Variants in PACRG observed in about 807,000 individuals in gnomAD.
The protein encoded by PACRG is parkin coregulated gene protein.
In PACRG, 29 loss-of-function variants were observed where a neutral mutation model predicts 29.7. The observed-to-expected ratio is 0.98, with a 90% confidence interval of 0.73 to 1.33. The LOEUF (loss-of-function observed/expected upper bound fraction) is 1.33. Ranked by LOEUF, PACRG falls within the 40% of genes most tolerant of loss-of-function variation. PACRG has a pLI of 0.00. For synonymous variants in PACRG, 116 were observed against 118.7 expected (o/e 0.98, Z 0.15); for missense variants, 279 against 316.2 (o/e 0.88, Z 0.89).
rs372089123 is a variant in PACRG at position 163,314,967 on chromosome 6, G to A, written c.754G>A (p.Glu252Lys). The A allele has an allele frequency of 2.2e-5, 36 of 1,613,832 alleles. No individual in the cohort carries two copies. The African/African-American group carries it at 2.9e-4, about 13-fold the overall frequency. ...INIKYVVPTY[E>K]SCLLN is the part of the protein sequence containing the mutation. The stretch of plus-strand genomic sequence containing the variant: ...CATTAAGTACGTGGTCCCAACCTAC[G>A]AGTCTTGCTTGCTAAACTAACAGTG... The change falls in exon 5 of 5, where the codon GAG becomes AAG. Residue 252 changes from glutamate (E) to lysine (K), a missense_variant. Physicochemically the swap from Glu to Lys is moderately conservative, Grantham distance 56. Coordinates refer to ENST00000366888, the MANE Select transcript of PACRG (RefSeq NM_001080379.2).
chr6:163,181,953 C>T (rs1779697344), intron 4 of PACRG, among the ~76,000 whole-genome samples: 1 of 152,174 alleles, frequency 6.6e-6, no homozygotes, highest in South Asian at 2.1e-4. Flanking sequence ...ATTGACCGTT[C>T]TCCCTTTTGG....
At chr6:162,863,528 G>A (rs1207437348) in intron 2 of PACRG, among the ~76,000 whole-genome samples, 1 of 152,202 alleles carries the variant, frequency 6.6e-6, no homozygotes, top group Non-Finnish European at 1.5e-5. Flanking sequence ...GGATGGCACT[G>A]CATAGCAGAG....
intron 2 of PACRG, among the ~76,000 whole-genome samples, chr6:162,946,223 A>G (rs567136784): frequency 8.5e-5 from 13 of 152,168 alleles, no homozygotes; most frequent in Non-Finnish European, 8.8e-5. Flanking sequence ...AAAGATCAAC[A>G]AAATCAATAA....
At chr6:162,871,294 T>C (rs1792782553) in intron 2 of PACRG, among the ~76,000 whole-genome samples, 1 of 152,238 alleles carries the variant, frequency 6.6e-6, no homozygotes, top group Non-Finnish European at 1.5e-5. Flanking sequence ...ATAGTTTGAA[T>C]GTGATTACCA....
chr6:163,291,080 C>T (rs946456048), intron 4 of PACRG, among the ~76,000 whole-genome samples: 5 of 152,254 alleles, frequency 3.3e-5, no homozygotes, highest in African/African-American at 9.6e-5. Context: ...GCCCAGCGGC[C>T]TCTCCCTGAG....
At chr6:163,225,145 A>G (rs1461278240) in intron 4 of PACRG, among the ~76,000 whole-genome samples, 2 of 152,228 alleles carry the variant, frequency 1.3e-5, no homozygotes, top group African/African-American at 4.8e-5. Flanking sequence ...CCATGATGAG[A>G]TATCTCTTCA....
At chr6:163,215,117 AT>A (rs561234597) in intron 4 of PACRG, among the ~76,000 whole-genome samples, 228 of 148,674 alleles carry the variant, frequency 1.5e-3, no homozygotes, top group East Asian at 8.4e-3. Flanking sequence ...CAGTCACGGC[AT>A]TTTTTTTTTG....
upstream of PACRG, chr6:162,727,645 G>A (rs1348034970): frequency 1.9e-6 from 3 of 1,585,212 alleles, no homozygotes; most frequent in Admixed American, 3.5e-5. Flanking sequence ...GGCTGTACCT[G>A]GCAGGTACCC....
At chr6:162,872,108 G>A (rs1359788316) in intron 2 of PACRG, among the ~76,000 whole-genome samples, 1 of 151,970 alleles carries the variant, frequency 6.6e-6, no homozygotes, top group Admixed American at 6.6e-5. Context: ...TATAGATAAG[G>A]AGGCTCAAGA....
chr6:163,004,557 G>A (rs1027337041), intron 2 of PACRG, among the ~76,000 whole-genome samples: 5 of 151,350 alleles, frequency 3.3e-5, no homozygotes, highest in Admixed American at 1.3e-4. Context: ...AACAGCATGG[G>A]GGAAACCACC....
intron 1 of PACRG, among the ~76,000 whole-genome samples, chr6:162,813,193 C>T (rs1432168827): frequency 6.6e-6 from 1 of 151,440 alleles, no homozygotes; most frequent in Non-Finnish European, 1.5e-5. Flanking sequence ...TACAAATTAA[C>T]ATATAAAATA....
intron 4 of PACRG, among the ~76,000 whole-genome samples, chr6:163,302,702 G>A (rs1446334398): frequency 6.6e-6 from 1 of 152,188 alleles, no homozygotes; most frequent in East Asian, 1.9e-4. Context: ...CAAAGAGTAG[G>A]TACTTTAGGC....
chr6:163,155,591 A>C (rs1778279212), intron 4 of PACRG, among the ~76,000 whole-genome samples: 1 of 152,246 alleles, frequency 6.6e-6, no homozygotes, highest in African/African-American at 2.4e-5. Flanking sequence ...GTCATAATTA[A>C]GGCCATGCAA....
intron 4 of PACRG, among the ~76,000 whole-genome samples, chr6:163,281,078 G>C (rs1172382045): frequency 6.6e-6 from 1 of 152,066 alleles, no homozygotes; most frequent in Non-Finnish European, 1.5e-5. Context: ...TCCGGAGATG[G>C]GGGGATGCTC....
intron 2 of PACRG, among the ~76,000 whole-genome samples, chr6:162,965,796 G>GA (rs769871811): frequency 2.0e-4 from 30 of 152,194 alleles, no homozygotes; most frequent in Non-Finnish European, 3.8e-4. Context: ...AAATTTGGTA[G>GA]AAAAAATCAA....
chr6:163,267,551 G>T (rs896895351), intron 4 of PACRG, among the ~76,000 whole-genome samples: 7 of 152,170 alleles, frequency 4.6e-5, no homozygotes, highest in African/African-American at 1.7e-4. Flanking sequence ...AGTACCATTT[G>T]TTTCTTTGAA....
chr6:162,906,050 GA>G lies in PACRG; in HGVS notation c.291+91772del, dbSNP rs201842878. Among the ~76,000 whole-genome samples the G allele has an allele frequency of 1.6e-3, 250 of 152,230 alleles. 2 individuals are homozygous for G. In the East Asian group the frequency reaches 0.018, roughly 11 times the overall value. ...ATTTTGATACAGAAAAAAAGGGGGG[GA>G]AAGCTGAGGAAAAATTGATTCCAAC... On this transcript the variant is annotated intron_variant, in intron 2 of 4. Coordinates refer to ENST00000366888, the MANE Select transcript of PACRG (RefSeq NM_001080379.2).
At chr6:163,264,645 G>A (rs1783459110) in intron 4 of PACRG, among the ~76,000 whole-genome samples, 1 of 152,190 alleles carries the variant, frequency 6.6e-6, no homozygotes, top group South Asian at 2.1e-4. Flanking sequence ...TGCAAGGGCA[G>A]AGGGCAATTT....
intron 4 of PACRG, among the ~76,000 whole-genome samples, chr6:163,186,975 C>T (rs915972672): frequency 6.6e-6 from 1 of 152,216 alleles, no homozygotes; most frequent in South Asian, 2.1e-4. Flanking sequence ...CTTTCCTGCC[C>T]CCACTTCACG....
Sources: allele counts gnomAD v4.1 joint callset (sites outside exome capture counted in the v4.1 genomes callset), GRCh38; gene constraint gnomAD v4.1.1; transcripts MANE v1.5; gene names NCBI Gene and HGNC (gene_info 2026-07-23, HGNC 2026-07-21).